Variants in TBC1D4 observed in about 807,000 individuals in gnomAD.
The protein encoded by TBC1D4 is TBC (Tre-2, BUB2, CDC16) domain-containing protein.
A neutral mutation model predicts 142.5 loss-of-function variants in TBC1D4; 121 were observed. The observed-to-expected ratio is 0.85, with a 90% CI of 0.73 to 0.99. The LOEUF (loss-of-function observed/expected upper bound fraction) is 0.99, where lower values mean the gene tolerates loss of function less well. TBC1D4 is among the 50% of genes least tolerant of loss of function. The probability of loss-of-function intolerance (pLI) is 0.00; values close to 1 mark genes in which losing one functional copy is unlikely to be tolerated. For missense variants in TBC1D4, 1,475 were observed against 1,606.6 expected (o/e 0.92, Z 1.40); for synonymous variants, 630 against 628.2 (o/e 1.00, Z -0.04).
rs757991747 is a variant in TBC1D4 at position 75,306,484 on chromosome 13, AC to A, written c.2594-14del. 72 of 1,612,420 alleles carry A rather than the reference AC, an allele frequency of 4.5e-5. No homozygotes were observed. Among genetic ancestry groups the A allele is most frequent in the Non-Finnish European group, 5.9e-5 (70 of 1,179,740 alleles). On this transcript the variant is annotated splice_polypyrimidine_tract_variant and intron_variant, in intron 14 of 20. Transcript: ENST00000377636. The stretch of plus-strand genomic sequence containing the variant: ...TCATCTCTGCTTGCTAAGGAAAAAA[AC>A]AATTTACGTAAGACCAATGTGTTTT...
At chr13:75,327,650 A>C (rs1183026961) in intron 9 of TBC1D4, 102 bp downstream of exon 9, 6 of 1,077,566 alleles carry the variant, frequency 5.6e-6, no homozygotes, top group Non-Finnish European at 8.4e-6. Flanking sequence ...ATTTTTTAAA[A>C]AGCTATAAAG....
At chr13:75,326,855 C>A (rs531221339) in intron 9 of TBC1D4, among the ~76,000 whole-genome samples, 2 of 152,270 alleles carry the variant, frequency 1.3e-5, no homozygotes, top group South Asian at 4.2e-4. Flanking sequence ...TCCTGGCTTC[C>A]GTGACATATC....
chr13:75,303,146 T>C (rs1258421992), intron 15 of TBC1D4, among the ~76,000 whole-genome samples: 2 of 152,038 alleles, frequency 1.3e-5, no homozygotes, highest in African/African-American at 2.4e-5. Context: ...GGTGAAACCC[T>C]GCCTCTACTA....
chr13:75,331,951 G>T (rs1879783361), intron 8 of TBC1D4, among the ~76,000 whole-genome samples: 1 of 151,948 alleles, frequency 6.6e-6, no homozygotes, highest in Non-Finnish European at 1.5e-5. Context: ...AGTGCAATCT[G>T]TTGCACACGG....
At chr13:75,317,139 A>C (rs1469988708) in intron 12 of TBC1D4, among the ~76,000 whole-genome samples, 3 of 152,206 alleles carry the variant, frequency 2.0e-5, no homozygotes, top group African/African-American at 7.2e-5. Context: ...ACCAGGATGC[A>C]AACCTAGGTG....
At chr13:75,449,395 T>C (rs1052285736) in intron 1 of TBC1D4, among the ~76,000 whole-genome samples, 1 of 151,980 alleles carries the variant, frequency 6.6e-6, no homozygotes, top group Non-Finnish European at 1.5e-5. Flanking sequence ...TAACAACTAA[T>C]GATAACATTG....
At chr13:75,407,904 C>G (rs1343122222) in intron 1 of TBC1D4, among the ~76,000 whole-genome samples, 1 of 151,714 alleles carries the variant, frequency 6.6e-6, no homozygotes, top group African/African-American at 2.4e-5. Flanking sequence ...ACACATAAAA[C>G]AGAAATGGGG....
chr13:75,326,363 A>T lies in TBC1D4; in HGVS notation c.1867T>A (p.Trp623Arg), dbSNP rs1334736302. ...TPPASPPSSA[W>R]QTFPEEDSDS... The stretch of plus-strand genomic sequence containing the variant: ...GAATCCTCTTCGGGAAACGTTTGCC[A>T]AGCTGAGGACGGTGGGGACGCTGGC... The change falls in exon 10 of 21, where the codon TGG becomes AGG. Residue 623 changes from tryptophan (W) to arginine (R), a missense_variant. Coordinates refer to ENST00000377636, the MANE Select transcript of TBC1D4 (RefSeq NM_014832.5). 6.2e-7 allele frequency: 1 copy of T among 1,614,118 alleles called. No individual in the cohort carries two copies. Among genetic ancestry groups the T allele is most frequent in the Admixed American group, 1.7e-5 (1 of 60,014 alleles).
intron 1 of TBC1D4, among the ~76,000 whole-genome samples, chr13:75,400,294 T>C (rs1885018271): frequency 2.6e-5 from 4 of 152,142 alleles, no homozygotes; most frequent in Non-Finnish European, 4.4e-5. Flanking sequence ...TTTTTTCCAC[T>C]TCCACTGTTT....
intron 1 of TBC1D4, among the ~76,000 whole-genome samples, chr13:75,410,893 G>A (rs1027250459): frequency 1.3e-4 from 15 of 119,216 alleles, no homozygotes; most frequent in Admixed American, 8.3e-4. Context: ...CCGAGATCGC[G>A]CCACTGCACT....
chr13:75,390,272 T>A (rs1593831242), intron 1 of TBC1D4, among the ~76,000 whole-genome samples: 1 of 74,772 alleles, frequency 1.3e-5, no homozygotes, highest in Non-Finnish European at 2.5e-5. Flanking sequence ...AGAGAGAGAC[T>A]CCGTCAAAAA....
intron 1 of TBC1D4, among the ~76,000 whole-genome samples, chr13:75,444,966 T>A (rs995987924): frequency 1.3e-4 from 20 of 152,156 alleles, no homozygotes; most frequent in Admixed American, 1.2e-3. Flanking sequence ...TTTACCCTCA[T>A]AAAATCTATA....
At position 75,320,753 on chromosome 13, in the gene TBC1D4, G is replaced by A. The variant is rs142255895; in HGVS notation, c.2199-716C>T. 8.4e-3 allele frequency among the ~76,000 whole-genome samples: 1,268 copies of A among 151,746 alleles called. 19 individuals are homozygous for A. Among genetic ancestry groups the A allele is most frequent in the South Asian group, 0.05 (240 of 4,808 alleles). On this transcript the variant is annotated intron_variant, in intron 11 of 20. Transcript: ENST00000377636. ...AAAAAAGTAATAGTAGGCTGGGCGC[G>A]GTGCTCATGCCTGTAATCCCAGCAC...
At chr13:75,321,115 T>C (rs913879905) in intron 11 of TBC1D4, among the ~76,000 whole-genome samples, 3 of 152,008 alleles carry the variant, frequency 2.0e-5, no homozygotes, top group African/African-American at 7.2e-5. Context: ...TATGCATATT[T>C]AGAGATTCAT....
chr13:75,401,773 T>C (rs1885106542), intron 1 of TBC1D4, among the ~76,000 whole-genome samples: 1 of 152,232 alleles, frequency 6.6e-6, no homozygotes, highest in Non-Finnish European at 1.5e-5. Flanking sequence ...TAACTAGTTT[T>C]AGAATGTATC....
intron 1 of TBC1D4, among the ~76,000 whole-genome samples, chr13:75,395,356 G>A (rs546975975): frequency 6.6e-6 from 1 of 152,284 alleles, no homozygotes; most frequent in South Asian, 2.1e-4. Flanking sequence ...CCCTTTTCGC[G>A]AATGTTTTTT....
chr13:75,305,566 A>T (rs1877096770), intron 15 of TBC1D4, among the ~76,000 whole-genome samples: 1 of 152,250 alleles, frequency 6.6e-6, no homozygotes, highest in African/African-American at 2.4e-5. Context: ...ACTTATCTTA[A>T]TTTAAACTTA....
At chr13:75,452,885 G>C (rs1010570120) in intron 1 of TBC1D4, among the ~76,000 whole-genome samples, 2 of 152,112 alleles carry the variant, frequency 1.3e-5, no homozygotes, top group Non-Finnish European at 1.5e-5. Flanking sequence ...TGTGGCTGTT[G>C]TTGTGATGAG....
At chr13:75,289,205 A>G (rs1875008960) in intron 19 of TBC1D4, 95 bp from the exon 20 acceptor site, 2 of 1,459,188 alleles carry the variant, frequency 1.4e-6, no homozygotes, top group Admixed American at 1.7e-5. Context: ...ATTTCCAAAT[A>G]CTTATTAATG....
Sources: gnomAD v4.1 joint callset for allele counts (sites outside exome capture counted in the v4.1 genomes callset) on GRCh38, gnomAD v4.1.1 for gene constraint, MANE v1.5 for transcripts, NCBI Gene and HGNC (gene_info 2026-07-23, HGNC 2026-07-21) for gene names.